DISC1: variants seen among roughly 807,000 people sequenced by gnomAD.
The protein encoded by DISC1 is DISC1 scaffold protein.
In DISC1, 57 loss-of-function variants were observed where a neutral mutation model predicts 84.5. The ratio of observed to expected loss-of-function variants is 0.67; its 90% CI spans 0.55 to 0.84. DISC1 has a LOEUF of 0.84. Among genes scored for constraint, DISC1 ranks in the 40% least tolerant of loss-of-function variants. The pLI is 0.00. For missense variants in DISC1, 1,000 were observed against 1,057.8 expected, an observed-to-expected ratio of 0.95 and a Z score of 0.76; for synonymous variants, 411 against 415.2, an observed-to-expected ratio of 0.99 and a Z score of 0.12.
intron 4 of DISC1, among the ~76,000 whole-genome samples, chr1:231,759,536 A>AC (rs1442481497): frequency 2.0e-5 from 3 of 149,248 alleles, no homozygotes; most frequent in Non-Finnish European, 3.0e-5. Context: ...CAAAAAAAAA[A>AC]AAAAAAAAAA....
chr1:232,006,803 G>A (rs1266208351), intron 10 of DISC1, among the ~76,000 whole-genome samples: 1 of 152,152 alleles, frequency 6.6e-6, no homozygotes, highest in Non-Finnish European at 1.5e-5. Context: ...AATGTCTCTA[G>A]GGCATGTCAG....
In DISC1 at chr1:231,933,252, G is replaced by C. The variant is rs139583020; in HGVS notation, c.1982-25576G>C. Among the ~76,000 whole-genome samples the C allele has an allele frequency of 3.3e-3, 506 of 152,226 alleles. No homozygotes were observed. In the Middle Eastern group the frequency reaches 0.037, roughly 11 times the overall value. On this transcript the variant is annotated intron_variant, in intron 9 of 12. Coordinates refer to ENST00000439617, the MANE Select transcript of DISC1 (RefSeq NM_018662.3). ...CTGGTAAGTTGTGAAGTTAACCTAG[G>C]TTAGCCTGAGTTCACAGGCTATGCT...
At chr1:231,731,627 G>A (rs2071527623) in intron 3 of DISC1, among the ~76,000 whole-genome samples, 2 of 152,022 alleles carry the variant, frequency 1.3e-5, no homozygotes, top group African/African-American at 2.4e-5. Flanking sequence ...AATATATCAA[G>A]GTTATGTTAA....
intron 6 of DISC1, among the ~76,000 whole-genome samples, chr1:231,772,482 C>T (rs1458758748): frequency 6.6e-6 from 1 of 152,162 alleles, no homozygotes; most frequent in Non-Finnish European, 1.5e-5. Context: ...AATACGGACT[C>T]TGCCACCTGA....
chr1:231,970,068 A>T (rs898566612), intron 10 of DISC1, among the ~76,000 whole-genome samples: 1 of 152,198 alleles, frequency 6.6e-6, no homozygotes, highest in African/African-American at 2.4e-5. Flanking sequence ...ATACGTGTGC[A>T]TGTGTCTTTA....
intron 1 of DISC1, among the ~76,000 whole-genome samples, chr1:231,656,352 C>T (rs2061067082): frequency 6.6e-6 from 1 of 152,078 alleles, no homozygotes; most frequent in African/African-American, 2.4e-5. Flanking sequence ...GTCCTTTCTT[C>T]AATTTATGTT....
At chr1:232,004,609 C>G (rs149026587) in intron 10 of DISC1, among the ~76,000 whole-genome samples, 1 of 151,772 alleles carries the variant, frequency 6.6e-6, no homozygotes, top group African/African-American at 2.4e-5. Context: ...ATAGGGAACC[C>G]GAGAAAGAAG....
At chr1:231,656,250 T>G (rs2061054262) in intron 1 of DISC1, among the ~76,000 whole-genome samples, 1 of 152,156 alleles carries the variant, frequency 6.6e-6, no homozygotes, top group South Asian at 2.1e-4. Context: ...CCATCTTGAG[T>G]TGATTTTTGT....
At position 231,690,174 on chromosome 1, in the gene DISC1, C is replaced by T. The variant is rs183525546; in HGVS notation, c.68-3652C>T. On this transcript the variant is annotated intron_variant, in intron 1 of 12. Transcript: ENST00000439617. ...TGCTTTCACTTCCCTCCAATCAGAGCTTGTTGGGCTCAATAAGGTGGAGAT... is the reference window on the plus strand; with the variant it reads ...TGCTTTCACTTCCCTCCAATCAGAGTTTGTTGGGCTCAATAAGGTGGAGAT... Among the ~76,000 whole-genome samples the T allele has an allele frequency of 1.4e-4, 21 of 152,242 alleles. No individual in the cohort carries two copies. In the East Asian group the frequency reaches 4.0e-3, roughly 29 times the overall value.
chr1:231,922,034 A>G (rs2090043850), intron 9 of DISC1, among the ~76,000 whole-genome samples: 1 of 152,136 alleles, frequency 6.6e-6, no homozygotes, highest in South Asian at 2.1e-4. Context: ...TAATTTCTAC[A>G]TGATTGAGGT....
At chr1:231,774,979 A>G (rs1227892905) in intron 6 of DISC1, among the ~76,000 whole-genome samples, 1 of 152,242 alleles carries the variant, frequency 6.6e-6, no homozygotes, top group Non-Finnish European at 1.5e-5. Flanking sequence ...ATACATCAAT[A>G]GCTGCCTTCA....
chr1:231,808,693 G>T (rs927156336), intron 8 of DISC1, among the ~76,000 whole-genome samples: 2 of 152,156 alleles, frequency 1.3e-5, no homozygotes, highest in African/African-American at 2.4e-5. Flanking sequence ...GGGGCTCCTC[G>T]CCTGGGAAAC....
In DISC1 at chr1:231,826,464, C is replaced by T. The variant is rs926424473; in HGVS notation, c.1981+7947C>T. Among the ~76,000 whole-genome samples the T allele has an allele frequency of 6.6e-6, 1 of 152,018 alleles. No individual in the cohort carries two copies. The highest frequency in any genetic ancestry group is 6.6e-5 in the Admixed American group (1 of 15,260). ...TTTTTTCATTTTTGAAGTTTTCAAG[C>T]ACCCTCCCTATATTTTGTGCCTGAG... On this transcript the variant is annotated intron_variant, in intron 9 of 12. Coordinates refer to ENST00000439617, the MANE Select transcript of DISC1 (RefSeq NM_018662.3). The surrounding 1 kb of genome is among the most constrained non-coding windows in gnomAD (Gnocchi z 4.2).
At chr1:231,936,286 G>A (rs2090976200) in intron 9 of DISC1, among the ~76,000 whole-genome samples, 1 of 151,932 alleles carries the variant, frequency 6.6e-6, no homozygotes, top group Non-Finnish European at 1.5e-5. Context: ...TTTTCATCCT[G>A]CCCATATTCT....
intron 1 of DISC1, among the ~76,000 whole-genome samples, chr1:231,674,146 A>T (rs993532333): frequency 6.6e-6 from 1 of 152,230 alleles, no homozygotes; most frequent in African/African-American, 2.4e-5. Context: ...GACATAAAAT[A>T]TGTTAAGAGC....
intron 4 of DISC1, among the ~76,000 whole-genome samples, chr1:231,751,072 T>A (rs1359747983): frequency 6.6e-6 from 1 of 152,228 alleles, no homozygotes; most frequent in Non-Finnish European, 1.5e-5. Flanking sequence ...TCCTTATAAC[T>A]ATTTGCTTAG....
chr1:231,723,560 T>G, intron 3 of DISC1: 7 of 985,504 alleles, frequency 7.1e-6, no homozygotes, highest in Non-Finnish European at 8.4e-6. Flanking sequence ...TATATCAGAC[T>G]TCTCTGATGG....
chr1:231,777,528 A>G (rs917064697), intron 6 of DISC1, among the ~76,000 whole-genome samples: 1 of 152,128 alleles, frequency 6.6e-6, no homozygotes, highest in African/African-American at 2.4e-5. Context: ...TCCCCTTTTT[A>G]AGTAAAGTAG....
At chr1:231,963,026 C>G (rs1324368362) in intron 10 of DISC1, among the ~76,000 whole-genome samples, 1 of 152,202 alleles carries the variant, frequency 6.6e-6, no homozygotes, top group Non-Finnish European at 1.5e-5. Context: ...TCCACTGTTG[C>G]CCTCTTACCA....
Sources: allele counts gnomAD v4.1 joint callset (sites outside exome capture counted in the v4.1 genomes callset), GRCh38; gene constraint gnomAD v4.1.1; non-coding constraint Gnocchi (gnomAD v3.1); transcripts MANE v1.5; gene names NCBI Gene and HGNC (gene_info 2026-07-23, HGNC 2026-07-21).